Variants in SYMPK observed in about 807,000 individuals in gnomAD.
SYMPK encodes symplekin scaffold protein, also known as symplekin.
In SYMPK, 49 loss-of-function variants were observed where a neutral mutation model predicts 136.4. That is an observed-to-expected ratio of 0.36 (90% CI 0.29 to 0.46). The LOEUF is 0.46. Among genes scored for constraint, SYMPK ranks in the 20% least tolerant of loss-of-function variants. The pLI is 1.00. For synonymous variants in SYMPK, 766 were observed against 713.0 expected, an observed-to-expected ratio of 1.07 and a Z score of -1.19; for missense variants, 1,365 against 1,690.0, an observed-to-expected ratio of 0.81 and a Z score of 3.37.
At chr19:45,851,126 G>A (rs1971687090) in intron 5 of SYMPK, among the ~76,000 whole-genome samples, 1 of 152,154 alleles carries the variant, frequency 6.6e-6, no homozygotes, top group Non-Finnish European at 1.5e-5. Flanking sequence ...GAGAGCAGGG[G>A]TGTGCCAAGA....
chr19:45,840,060 G>C (rs2146326763), intron 9 of SYMPK, among the ~76,000 whole-genome samples: 1 of 152,162 alleles, frequency 6.6e-6, no homozygotes, highest in South Asian at 2.1e-4. Context: ...CATGTACTGA[G>C]GCAACCAGGG....
At chr19:45,827,754 G>T in intron 15 of SYMPK, 83 bp downstream of exon 15, 2 of 1,539,902 alleles carry the variant, frequency 1.3e-6, no homozygotes, top group Non-Finnish European at 1.8e-6. Context: ...CGGCCACAAG[G>T]TTTAGACTGT....
At chr19:45,823,560 G>T in intron 19 of SYMPK, 88 bp from the exon 20 acceptor site, 1 of 1,280,320 alleles carries the variant, frequency 7.8e-7, no homozygotes, top group Non-Finnish European at 1.1e-6. Context: ...GCAGGCAGGT[G>T]TGCAGGAAGG....
At position 45,844,178 on chromosome 19, in the gene SYMPK, C is replaced by T. The variant is rs1971508622; in HGVS notation, c.699G>A (p.Lys233=). 1 of 1,606,212 alleles carries T rather than the reference C, an allele frequency of 6.2e-7. No homozygotes were observed. ...IQYNVLWEEG[K]AALEQLLKFM... ...ACTTAAGCAGCTGCTCCAAGGCTGC[C>T]TTGCCCTCTTCCCATAGCACGTCTA... Residue 233 remains lysine (K), a synonymous_variant, in exon 8 of 27, where the codon AAG becomes AAA. Transcript: ENST00000245934.
rs547254905 is a variant in SYMPK, at chr19:45,857,832, CTT to C, written c.-12-3327_-12-3326del. ...TTTTTTTTTTAGATGGAATTTCACT[CTT>C]GTTTCCCAGGCTGGAGTGTAATGGC... On this transcript the variant is annotated intron_variant, in intron 1 of 26. Transcript: ENST00000245934. 5.4e-3 allele frequency among the ~76,000 whole-genome samples: 737 copies of C among 135,656 alleles called. 6 individuals carry two copies. The highest frequency in any genetic ancestry group is 0.02 in the Middle Eastern group (4 of 198). The allele number at this position is 135,656 out of a possible 152,430, so 89.0% of individuals were successfully genotyped here.
chr19:45,847,686 G>C, intron 7 of SYMPK, 66 bp downstream of exon 7: 1 of 1,552,378 alleles, frequency 6.4e-7, no homozygotes. Flanking sequence ...GGGAGAGAGG[G>C]AGGGGCGTGA....
At chr19:45,862,980 G>T in intron 1 of SYMPK, 78 bp downstream of exon 1, 22 of 377,122 alleles carry the variant, frequency 5.8e-5, no homozygotes, top group Non-Finnish European at 8.0e-5. Flanking sequence ...CCACGGCGAT[G>T]CCCTCCCCGC....
intron 7 of SYMPK, among the ~76,000 whole-genome samples, chr19:45,845,630 G>A (rs759236024): frequency 2.0e-5 from 3 of 152,010 alleles, no homozygotes; most frequent in Non-Finnish European, 4.4e-5. Context: ...CCGAAGTCTT[G>A]GCTATTCTGA....
intron 21 of SYMPK, among the ~76,000 whole-genome samples, chr19:45,822,038 A>C (rs974706590): frequency 8.7e-5 from 13 of 149,400 alleles, no homozygotes; most frequent in African/African-American, 3.0e-4. Flanking sequence ...GACATCCTCC[A>C]TTTTTTCTCT....
At chr19:45,832,793 T>A (rs1190149212) in intron 11 of SYMPK, among the ~76,000 whole-genome samples, 1 of 147,492 alleles carries the variant, frequency 6.8e-6, no homozygotes, top group Admixed American at 6.9e-5. Context: ...GTGGATCACC[T>A]GAGGTCAGGA....
At chr19:45,839,872 C>G (rs1971394597) in intron 9 of SYMPK, among the ~76,000 whole-genome samples, 1 of 151,938 alleles carries the variant, frequency 6.6e-6, no homozygotes, top group African/African-American at 2.4e-5. Flanking sequence ...AAAAAAACCA[C>G]TGGGTGAACG....
At chr19:45,835,344 C>T (rs1179199190) in intron 10 of SYMPK, 116 bp from the exon 11 acceptor site, 3 of 975,044 alleles carry the variant, frequency 3.1e-6, no homozygotes, top group Non-Finnish European at 4.4e-6. Context: ...TGGGCCTGCT[C>T]TCCTGGGGCC....
chr19:45,825,251 G>A lies in SYMPK; in HGVS notation c.2410C>T (p.Leu804=). ...YLALLPQNHK[L]IHELAAVYTE... ...TACACGGCCGCCAGTTCGTGGATCA[G>A]CTTGTGGTTCTGAGGCAGGAGGGCC... is the stretch of plus-strand genomic sequence containing the variant. Residue 804 remains leucine (L), a synonymous_variant, in exon 18 of 27, where the codon CTG becomes TTG. Transcript: ENST00000245934. The A allele has an allele frequency of 6.2e-7, 1 of 1,614,224 alleles. No individual in the cohort carries two copies. Among genetic ancestry groups the A allele is most frequent in the Non-Finnish European group, 8.5e-7 (1 of 1,180,036 alleles).
chr19:45,832,282 T>C (rs1025335761), intron 11 of SYMPK, among the ~76,000 whole-genome samples: 3 of 152,110 alleles, frequency 2.0e-5, no homozygotes, highest in South Asian at 2.1e-4. Context: ...GCTGGGATTA[T>C]AGACACCCAC....
intron 1 of SYMPK, among the ~76,000 whole-genome samples, chr19:45,856,335 A>C (rs1302357102): frequency 6.6e-6 from 1 of 152,028 alleles, no homozygotes; most frequent in Non-Finnish European, 1.5e-5. Context: ...GACAGACTCC[A>C]TCTCAAAAAA....
intron 16 of SYMPK, 94 bp from the exon 17 acceptor site, chr19:45,826,467 G>A: frequency 7.2e-7 from 1 of 1,387,572 alleles, no homozygotes. Context: ...GTGAAAACAA[G>A]CCCGAGGCTG....
At chr19:45,852,092 TGATAATGTA>T (rs1971708260) in intron 5 of SYMPK, among the ~76,000 whole-genome samples, 1 of 152,036 alleles carries the variant, frequency 6.6e-6, no homozygotes, top group African/African-American at 2.4e-5. Context: ...CAGTCCTTAG[TGATAATGTA>T]GATGTGAAGT....
At chr19:45,848,058 T>G in intron 6 of SYMPK, 57 bp from the exon 7 acceptor site, 1 of 1,526,516 alleles carries the variant, frequency 6.6e-7, no homozygotes, top group Non-Finnish European at 8.8e-7. Context: ...AGACAACGCA[T>G]CAATCACCAA....
Position 45,826,288 on chromosome 19 carries a change from T to C in SYMPK, c.2267A>G (p.Tyr756Cys). The C allele has an allele frequency of 6.2e-7, 1 of 1,613,758 alleles. No individual in the cohort carries two copies. The highest frequency in any genetic ancestry group is 8.5e-7 in the Non-Finnish European group (1 of 1,179,884). Residue 756 changes from tyrosine (Y) to cysteine (C), a missense_variant, in exon 17 of 27, where the codon TAC (tyrosine) becomes TGC (cysteine). Physicochemically the swap from Tyr to Cys is radical, Grantham distance 194. This residue lies in a region of SYMPK where 92 missense variants were observed against 198.6 expected (regional missense o/e 0.46). Coordinates refer to ENST00000245934, the MANE Select transcript of SYMPK (RefSeq NM_004819.3). ...GTTGGGGTGCACCAGGAGCTGCAGG[T>C]AGTTGAGGGCAAATTTCTCCACATA... ...REYVEKFALNYLQLLVHPNPP... is the reference protein window; with the variant it reads ...REYVEKFALNCLQLLVHPNPP...
Sources: gnomAD v4.1 joint callset for allele counts (sites outside exome capture counted in the v4.1 genomes callset) on GRCh38, gnomAD v4.1.1 for gene constraint, gnomAD v4.1.1 regional missense constraint, MANE v1.5 for transcripts, NCBI Gene and HGNC (gene_info 2026-07-23, HGNC 2026-07-21) for gene names.